The following LRMDA variants were observed in gnomAD, a reference collection of about 807,000 sequenced individuals.
The protein encoded by LRMDA is leucine rich melanocyte differentiation associated, also known as leucine-rich melanocyte differentiation-associated protein.
Under a neutral mutation model 29.8 loss-of-function variants are expected in LRMDA, and 18 were observed. The observed-to-expected ratio is 0.60, with a 90% CI of 0.42 to 0.90. The LOEUF is 0.90. LRMDA is among the 40% of genes least tolerant of loss of function. LRMDA has a pLI of 0.00. For missense variants in LRMDA, 273 were observed against 273.9 expected (o/e 1.00, Z 0.02); for synonymous variants, 125 against 109.4 (o/e 1.14, Z -0.89).
intron 5 of LRMDA, among the ~76,000 whole-genome samples, chr10:76,275,253 G>A (rs1376420547): frequency 2.0e-5 from 3 of 151,890 alleles, no homozygotes; most frequent in Non-Finnish European, 4.4e-5. Flanking sequence ...TTTCTTCCTT[G>A]TAGGAGATTC....
chr10:75,903,349 G>A (rs1021669833), intron 2 of LRMDA, among the ~76,000 whole-genome samples: 12 of 152,112 alleles, frequency 7.9e-5, no homozygotes, highest in Admixed American at 2.6e-4. Flanking sequence ...AATTTCCTTC[G>A]CTGGCTAAAT....
Position 75,562,962 on chromosome 10 carries a change from A to AT in LRMDA, c.131+124474dup, listed in dbSNP as rs1202114271. Among the ~76,000 whole-genome samples the AT allele has an allele frequency of 5.9e-5, 9 of 151,734 alleles. No individual in the cohort carries two copies. In the South Asian group the frequency reaches 1.0e-3, roughly 18 times the overall value. On this transcript the variant is annotated intron_variant, in intron 2 of 6. Transcript: ENST00000611255. ...ACCTTTCTCTCTGGCTGCCCTTAAC[A>AT]TTTTTTCCTTCATTTCAACCTTGGT...
chr10:76,516,401 T>A (rs1047414347), intron 6 of LRMDA, among the ~76,000 whole-genome samples: 1 of 152,162 alleles, frequency 6.6e-6, no homozygotes, highest in Non-Finnish European at 1.5e-5. Flanking sequence ...TGTGCAGGTT[T>A]GTTACATATG....
chr10:76,074,755 G>A (rs1444872800), intron 5 of LRMDA, among the ~76,000 whole-genome samples: 2 of 152,018 alleles, frequency 1.3e-5, no homozygotes, highest in Non-Finnish European at 2.9e-5. Context: ...TTTCCTCCTA[G>A]GTGAAATTCA....
chr10:75,581,320 C>T (rs1287177150), intron 2 of LRMDA, among the ~76,000 whole-genome samples: 1 of 152,160 alleles, frequency 6.6e-6, no homozygotes, highest in South Asian at 2.1e-4. Flanking sequence ...AAAAAAAGCT[C>T]ATCATCAATT....
rs4393252 is a variant in LRMDA, at chr10:76,145,902, A to T, written c.516+87119A>T. On this transcript the variant is annotated intron_variant, in intron 5 of 6. Coordinates refer to ENST00000611255, the MANE Select transcript of LRMDA (RefSeq NM_001305581.2). ...TCTGGTATGTTGTGTCTTTGTTCTC[A>T]TTGGTTTCAAAGAACATCTTTATTT... Among the ~76,000 whole-genome samples, 5 of 143,080 alleles carry T rather than the reference A, an allele frequency of 3.5e-5. No homozygotes were observed. In the East Asian group the frequency reaches 1.0e-3, roughly 30 times the overall value. The allele number at this position is 143,080 out of a possible 152,430, so 93.9% of individuals were successfully genotyped here.
chr10:75,992,990 G>A (rs1026774278), intron 2 of LRMDA, among the ~76,000 whole-genome samples: 19 of 151,956 alleles, frequency 1.3e-4, no homozygotes, highest in Middle Eastern at 3.2e-3. Flanking sequence ...AAATAAAAAT[G>A]AAAATTAATA....
intron 5 of LRMDA, among the ~76,000 whole-genome samples, chr10:76,067,551 A>G (rs891635980): frequency 1.3e-5 from 2 of 152,184 alleles, no homozygotes; most frequent in Admixed American, 6.5e-5. Flanking sequence ...TTTAAAACCA[A>G]CATTACCCGG....
At chr10:75,859,837 G>A (rs1589231741) in intron 2 of LRMDA, among the ~76,000 whole-genome samples, 2 of 151,980 alleles carry the variant, frequency 1.3e-5, no homozygotes, top group Admixed American at 6.6e-5. Context: ...ATATTCTCCT[G>A]TATTTCTTCT....
At chr10:75,573,797 CT>C (rs1263970684) in intron 2 of LRMDA, among the ~76,000 whole-genome samples, 3 of 151,702 alleles carry the variant, frequency 2.0e-5, no homozygotes, top group Non-Finnish European at 4.4e-5. Context: ...GTTTTTTTAA[CT>C]GTGAGTTTAT....
intron 2 of LRMDA, among the ~76,000 whole-genome samples, chr10:75,863,463 G>A (rs1455696478): frequency 6.6e-6 from 1 of 152,128 alleles, no homozygotes; most frequent in African/African-American, 2.4e-5. Flanking sequence ...TTACAGCTTG[G>A]TGGTAAATGG....
chr10:75,647,097 G>A (rs983393109), intron 2 of LRMDA, among the ~76,000 whole-genome samples: 3 of 151,972 alleles, frequency 2.0e-5, no homozygotes, highest in Non-Finnish European at 2.9e-5. Flanking sequence ...CTTTTCCCCC[G>A]GACCTCCCCG....
intron 2 of LRMDA, among the ~76,000 whole-genome samples, chr10:75,597,068 T>A (rs1170066446): frequency 6.6e-6 from 1 of 151,948 alleles, no homozygotes; most frequent in Non-Finnish European, 1.5e-5. Context: ...TTGAGTCCCG[T>A]GTTCCTTATT....
At chr10:75,616,227 GTAA>G (rs1417151138) in intron 2 of LRMDA, among the ~76,000 whole-genome samples, 38 of 151,212 alleles carry the variant, frequency 2.5e-4, no homozygotes, top group African/African-American at 8.1e-4. Context: ...CATGAGAACA[GTAA>G]TAGTAGCAGT....
chr10:75,665,431 TATC>T (rs1490851511), intron 2 of LRMDA, among the ~76,000 whole-genome samples: 2 of 152,324 alleles, frequency 1.3e-5, no homozygotes, highest in Admixed American at 1.3e-4. Flanking sequence ...TGCCTCCAAA[TATC>T]AATTGATTTT....
chr10:76,436,721 G>C (rs1324630981), intron 6 of LRMDA, among the ~76,000 whole-genome samples: 2 of 152,172 alleles, frequency 1.3e-5, no homozygotes, highest in Non-Finnish European at 2.9e-5. Flanking sequence ...AATCTGTCTT[G>C]GACGTCCATT....
At chr10:75,915,890 T>G (rs911149468) in intron 2 of LRMDA, among the ~76,000 whole-genome samples, 2 of 152,204 alleles carry the variant, frequency 1.3e-5, no homozygotes, top group Non-Finnish European at 2.9e-5. Flanking sequence ...TCCTGTGGAC[T>G]GAATACTTAA....
chr10:75,769,574 G>T (rs1005149860), intron 2 of LRMDA, among the ~76,000 whole-genome samples: 1 of 151,940 alleles, frequency 6.6e-6, no homozygotes, highest in African/African-American at 2.4e-5. Flanking sequence ...TGGTGGGGGT[G>T]GTGGTAAAGG....
chr10:76,164,298 G>A (rs1372436903), intron 5 of LRMDA, among the ~76,000 whole-genome samples: 1 of 152,106 alleles, frequency 6.6e-6, no homozygotes, highest in African/African-American at 2.4e-5. Flanking sequence ...GAATTTTTTA[G>A]ATTTACTTTT....
Sources: allele counts gnomAD v4.1 joint callset (sites outside exome capture counted in the v4.1 genomes callset), GRCh38; gene constraint gnomAD v4.1.1; transcripts MANE v1.5; gene names NCBI Gene and HGNC (gene_info 2026-07-23, HGNC 2026-07-21).